PGM3: variants seen among roughly 807,000 people sequenced by gnomAD.
PGM3 encodes the protein phosphoglucomutase 3, also known as phosphoacetylglucosamine mutase.
PGM3 carries 40 observed loss-of-function variants against 66.2 expected under a neutral mutation model. The observed-to-expected ratio is 0.60, with a 90% CI of 0.47 to 0.79. PGM3 has a LOEUF of 0.79. PGM3 is among the 30% of genes least tolerant of loss of function. PGM3 has a pLI of 0.00. For missense variants in PGM3, 537 were observed against 643.4 expected (o/e 0.83, Z 1.79); for synonymous variants, 191 against 224.2 (o/e 0.85, Z 1.32).
At chr6:83,152,360 T>C in the PGM3 span, 2 of 1,508,454 alleles carry the variant, frequency 1.3e-6, no homozygotes, top group Admixed American at 2.1e-5. Flanking sequence ...TTGACATTAC[T>C]CTCTGAGGTA....
chr6:83,162,732 A>G (rs1409197753), downstream of PGM3: 2 of 1,534,300 alleles, frequency 1.3e-6, no homozygotes, highest in Non-Finnish European at 1.8e-6. Flanking sequence ...TATGTGGCCT[A>G]ATCTTAGATG....
chr6:83,153,929 A>G, the PGM3 span: 2 of 1,613,724 alleles, frequency 1.2e-6, no homozygotes, highest in Non-Finnish European at 1.7e-6. Context: ...GCTTGTGTCC[A>G]GCTGCTCAGC....
rs2128509286 is a variant in PGM3 at position 83,191,194 on chromosome 6, A to G, written c.-2-180T>C. On this transcript the variant is annotated intron_variant, in intron 1 of 12. Coordinates refer to ENST00000513973, the MANE Select transcript of PGM3 (RefSeq NM_015599.3). ...CCTGTGGGTTAGAATTACCTACAAG[A>G]TGTTGTCCAACTTGGTATGTCCACT... The G allele has an allele frequency of 6.5e-7, 1 of 1,533,396 alleles. No individual in the cohort carries two copies. The highest frequency in any genetic ancestry group is 8.7e-7 in the Non-Finnish European group (1 of 1,144,778). 95.0% of individuals were successfully genotyped at this position (1,533,396 alleles called of 1,614,324 possible). A position where few individuals can be genotyped will look rare whatever the true frequency, so the allele number is the denominator to read the frequency against.
rs767728867 is a variant in PGM3, at chr6:83,167,828, G to T, written c.*1406C>A. ...TTTCTAACATACCACATTGTCTGTT[G>T]TATTAATACCAGTTCACTTTTTGTT... On this transcript the variant is annotated 3_prime_UTR_variant, in exon 13 of 13. Coordinates refer to ENST00000513973, the MANE Select transcript of PGM3 (RefSeq NM_015599.3). 3.2e-6 allele frequency: 5 copies of T among 1,572,396 alleles called. No homozygotes were observed. The highest frequency in any genetic ancestry group is 2.3e-5 in the East Asian group (1 of 44,416).
intron 4 of PGM3, among the ~76,000 whole-genome samples, chr6:83,183,278 C>T (rs911109242): frequency 2.0e-5 from 3 of 152,130 alleles, no homozygotes; most frequent in African/African-American, 7.2e-5. Flanking sequence ...CTCCTGGAAA[C>T]AACCAACATG....
Position 83,172,114 on chromosome 6 carries a change from A to G in PGM3, c.1243-55T>C, listed in dbSNP as rs913516083. The G allele has an allele frequency of 1.9e-6, 3 of 1,590,872 alleles. No individual in the cohort carries two copies. The African/African-American group carries it at 4.0e-5, about 21-fold the overall frequency. ...CACTTAACACAAGCAAATCTTGGAAATGGATGTTTTTTCTTAGAAAACCAA... is the reference window on the plus strand; with the variant it reads ...CACTTAACACAAGCAAATCTTGGAAGTGGATGTTTTTTCTTAGAAAACCAA... On this transcript the variant is annotated intron_variant, in intron 10 of 12. Transcript: ENST00000513973.
rs201392846 is a variant in PGM3, at chr6:83,188,611, C to T, written c.389+3G>A. On this transcript the variant is annotated splice_donor_region_variant and intron_variant, in intron 3 of 12. Coordinates refer to ENST00000513973, the MANE Select transcript of PGM3 (RefSeq NM_015599.3). Reference sequence around the variant, plus strand: ...TTTTTTTACCAGTAACTCTTATCATCACCTGGTATCTCTACCAATAACTAC... The same window carrying T: ...TTTTTTTACCAGTAACTCTTATCATTACCTGGTATCTCTACCAATAACTAC... 6.3e-4 allele frequency: 1,014 copies of T among 1,599,130 alleles called. 2 individuals carry two copies. The highest frequency in any genetic ancestry group is 8.0e-4 in the Non-Finnish European group (931 of 1,167,340).
the PGM3 span, among the ~76,000 whole-genome samples, chr6:83,154,807 T>C: frequency 6.6e-6 from 1 of 151,852 alleles, no homozygotes; most frequent in South Asian, 2.1e-4. Flanking sequence ...AAAAAAAGAG[T>C]TTTAAAAAAC....
intron 10 of PGM3, among the ~76,000 whole-genome samples, 184 bp from the exon 11 acceptor site, chr6:83,172,243 G>A (rs1211994946): frequency 6.6e-6 from 1 of 152,068 alleles, no homozygotes; most frequent in Non-Finnish European, 1.5e-5. Flanking sequence ...TCAAAATGTG[G>A]GTATACAACT....
chr6:83,151,964 C>G, the PGM3 span: 1 of 1,613,816 alleles, frequency 6.2e-7, no homozygotes. Context: ...GCGACGAAAT[C>G]TTGAAGTTAA....
chr6:83,153,768 TC>T, the PGM3 span: 2 of 1,204,316 alleles, frequency 1.7e-6, no homozygotes, highest in African/African-American at 1.6e-5. Flanking sequence ...ATATTATTTT[TC>T]TTATGGTGCT....
downstream of PGM3, among the ~76,000 whole-genome samples, chr6:83,157,744 C>T (rs1436517580): frequency 6.6e-6 from 1 of 151,136 alleles, no homozygotes; most frequent in African/African-American, 2.5e-5. Context: ...GCAGCACCTA[C>T]CCCATTTAAA....
intron 5 of PGM3, among the ~76,000 whole-genome samples, chr6:83,182,437 T>C (rs755601053): frequency 1.3e-5 from 2 of 152,352 alleles, no homozygotes; most frequent in African/African-American, 2.4e-5. Context: ...CAATATTTGT[T>C]GATCAAACGA....
In PGM3 at chr6:83,166,733, G is replaced by T; in HGVS notation, c.*2501C>A. On this transcript the variant is annotated 3_prime_UTR_variant, in exon 13 of 13. Coordinates refer to ENST00000513973, the MANE Select transcript of PGM3 (RefSeq NM_015599.3). ...ACTTTAAAATAAGCAATAAGCTTGAGAGCACATAGAAGAAAATAAGCTGGA... is the reference window on the plus strand; with the variant it reads ...ACTTTAAAATAAGCAATAAGCTTGATAGCACATAGAAGAAAATAAGCTGGA... 2 of 1,159,514 alleles carry T rather than the reference G, an allele frequency of 1.7e-6. No individual in the cohort carries two copies. Among genetic ancestry groups the T allele is most frequent in the Non-Finnish European group, 2.1e-6 (2 of 942,578 alleles). The allele number at this position is 1,159,514 out of a possible 1,614,324, so 71.8% of individuals were successfully genotyped here.
the PGM3 span, chr6:83,152,170 TATATATAC>T: frequency 3.5e-6 from 3 of 850,300 alleles, no homozygotes; most frequent in Non-Finnish European, 5.4e-6. Context: ...GGGAAAAATA[TATATATAC>T]ATATACATAT....
intron 3 of PGM3, 49 bp from the exon 4 acceptor site, chr6:83,187,124 G>C (rs1363277579): frequency 8.1e-7 from 1 of 1,241,338 alleles, no homozygotes; most frequent in East Asian, 2.3e-5. Flanking sequence ...GAAACTGGCA[G>C]GGTTGCTGGT....
At position 83,176,015 on chromosome 6, in the gene PGM3, T is replaced by G; in HGVS notation, c.1075A>C (p.Lys359Gln). The change falls in exon 9 of 13, where the codon AAG (lysine) becomes CAG (glutamine). Residue 359 changes from lysine to glutamine, a missense_variant. Transcript: ENST00000513973. ...ACTCCAATGTCAAACTCTTGAGCCTTGTGGTGCAAATGTTTTACACCAGTC... is the reference window on the plus strand; with the variant it reads ...ACTCCAATGTCAAACTCTTGAGCCTGGTGGTGCAAATGTTTTACACCAGTC... ...TKTGVKHLHH[K>Q]AQEFDIGVYF... The G allele has an allele frequency of 6.2e-7, 1 of 1,611,984 alleles. No homozygotes were observed. The highest frequency in any genetic ancestry group is 8.5e-7 in the Non-Finnish European group (1 of 1,178,098).
At chr6:83,153,167 A>G in the PGM3 span, among the ~76,000 whole-genome samples, 2 of 151,946 alleles carry the variant, frequency 1.3e-5, no homozygotes, top group Admixed American at 6.6e-5. Context: ...TTTTTTTCCT[A>G]AACTACATTT....
At chr6:83,180,066 C>T in intron 6 of PGM3, 99 bp from the exon 7 acceptor site, 1 of 872,736 alleles carries the variant, frequency 1.1e-6, no homozygotes, top group Non-Finnish European at 1.7e-6. Context: ...AAATCAATGT[C>T]TTAATCTTAA....
Sources: gnomAD v4.1 joint callset for allele counts (sites outside exome capture counted in the v4.1 genomes callset) on GRCh38, gnomAD v4.1.1 for gene constraint, MANE v1.5 for transcripts, NCBI Gene and HGNC (gene_info 2026-07-23, HGNC 2026-07-21) for gene names.